Variants in MMP9 observed in about 807,000 individuals in gnomAD.
MMP9 encodes the protein matrix metalloproteinase-9.
In MMP9, 73 loss-of-function variants were observed where a neutral mutation model predicts 76.4. The observed-to-expected ratio is 0.96, with a 90% CI of 0.79 to 1.16. The LOEUF is 1.16. MMP9 is among the 50% of genes most tolerant of loss of function. MMP9 has a pLI of 0.00. For synonymous variants in MMP9, 412 were observed against 408.4 expected, an observed-to-expected ratio of 1.01 and a Z score of -0.11; for missense variants, 943 against 973.0, an observed-to-expected ratio of 0.97 and a Z score of 0.41.
intron 5 of MMP9, 61 bp from the exon 6 acceptor site, chr20:46,011,513 T>C (rs1260716459): frequency 1.9e-6 from 3 of 1,602,196 alleles, no homozygotes; most frequent in African/African-American, 1.3e-5. Context: ...CAGGACACAC[T>C]TGGGGGTTAT....
rs973709572 is a variant in MMP9 at position 46,013,940 on chromosome 20, G to A, written c.1750+144G>A. The stretch of plus-strand genomic sequence containing the variant: ...GACGCAGTTTAGCAAACGTAGGGGC[G>A]GCTGAGTTTCTGCCCCCTCCTCTCC... On this transcript the variant is annotated intron_variant, in intron 10 of 12. Transcript: ENST00000372330. The surrounding 1 kb of genome is among the most constrained non-coding windows in gnomAD (Gnocchi z 4.5). The A allele has an allele frequency of 5.0e-6, 7 of 1,413,746 alleles. No individual in the cohort carries two copies. The highest frequency in any genetic ancestry group is 2.1e-5 in the Admixed American group (1 of 48,626). 87.6% of individuals were successfully genotyped at this position (1,413,746 alleles called of 1,614,324 possible).
chr20:46,010,642 G>A lies in MMP9; in HGVS notation c.520+11G>A, dbSNP rs2084272779. On this transcript the variant is annotated intron_variant, in intron 3 of 12. Transcript: ENST00000372330. Reference sequence around the variant, plus strand: ...AGTTTGGTGTCGCGGGTGAGAACGTGAGGAGGGAAAATCCAAGAGACCTGG... The same window carrying A: ...AGTTTGGTGTCGCGGGTGAGAACGTAAGGAGGGAAAATCCAAGAGACCTGG... The A allele has an allele frequency of 1.2e-6, 2 of 1,611,124 alleles. No homozygotes were observed. Among genetic ancestry groups the A allele is most frequent in the African/African-American group, 2.7e-5 (2 of 75,014 alleles).
rs538911978 is a variant in MMP9, at chr20:46,016,034, A to G, written c.2006-216A>G. Among the ~76,000 whole-genome samples the G allele has an allele frequency of 2.0e-5, 3 of 152,372 alleles. No individual in the cohort carries two copies. The East Asian group carries it at 5.8e-4, about 29-fold the overall frequency. On this transcript the variant is annotated intron_variant, in intron 12 of 12. Coordinates refer to ENST00000372330, the MANE Select transcript of MMP9 (RefSeq NM_004994.3). Reference sequence around the variant, plus strand: ...GTGTATGGTGTACCTACTGTGTGCTAGGCTCTGTGGCAGTGCTTTGGGCAC... The same window carrying G: ...GTGTATGGTGTACCTACTGTGTGCTGGGCTCTGTGGCAGTGCTTTGGGCAC...
chr20:46,014,235 G>C lies in MMP9; in HGVS notation c.1862G>C (p.Arg621Thr), dbSNP rs6104428. The change falls in exon 11 of 13, where the codon AGG becomes ACG. Residue 621 changes from arginine (R) to threonine (T), a missense_variant. By Grantham distance (71) the Arg-to-Thr change is moderately conservative. Coordinates refer to ENST00000372330, the MANE Select transcript of MMP9 (RefSeq NM_004994.3). Reference protein sequence around the residue: ...AQVTGALRSGRGKMLLFSGRR... With the variant: ...AQVTGALRSGTGKMLLFSGRR... ...GTGACCGGGGCCCTCCGGAGTGGCA[G>C]GGGGAAGATGCTGCTGTTCAGCGGG... The C allele has an allele frequency of 1.1e-5, 17 of 1,534,518 alleles. No individual in the cohort carries two copies. In the African/African-American group the frequency reaches 2.2e-4, roughly 20 times the overall value.
At position 46,010,588 on chromosome 20, in the gene MMP9, G is replaced by A; in HGVS notation, c.477G>A (p.Val159=). ...SAVTPLTFTR[V]YSRDADIVIQ... is the part of the protein sequence containing the mutation. Reference sequence around the variant, plus strand: ...TGACGCCGCTCACCTTCACTCGCGTGTACAGCCGGGACGCAGACATCGTCA... The same window carrying A: ...TGACGCCGCTCACCTTCACTCGCGTATACAGCCGGGACGCAGACATCGTCA... The change falls in exon 3 of 13, where the codon GTG becomes GTA. Residue 159 remains valine (V), a synonymous_variant. Coordinates refer to ENST00000372330, the MANE Select transcript of MMP9 (RefSeq NM_004994.3). The A allele has an allele frequency of 6.2e-7, 1 of 1,614,116 alleles. No individual in the cohort carries two copies. Among genetic ancestry groups the A allele is most frequent in the East Asian group, 2.2e-5 (1 of 44,870 alleles).
intron 6 of MMP9, 147 bp downstream of exon 6, chr20:46,011,894 C>A: frequency 9.0e-7 from 1 of 1,113,918 alleles, no homozygotes; most frequent in Non-Finnish European, 1.3e-6. Flanking sequence ...CACCACATTT[C>A]CACCACTATC....
At position 46,011,361 on chromosome 20, in the gene MMP9, T is replaced by C. The variant is rs201748496; in HGVS notation, c.823+45T>C. The C allele has an allele frequency of 1.1e-5, 17 of 1,591,702 alleles. No individual in the cohort carries two copies. In the African/African-American group the frequency reaches 1.7e-4, roughly 16 times the overall value. On this transcript the variant is annotated intron_variant, in intron 5 of 12. Coordinates refer to ENST00000372330, the MANE Select transcript of MMP9 (RefSeq NM_004994.3). ...GAGGGCTGGGGGCGCCCACCACCCT[T>C]GATGGTCCTGGGTTCTAATTCCAGC...
Position 46,012,434 on chromosome 20 carries a change from T to C in MMP9, c.1182T>C (p.Ser394=). 6.2e-7 allele frequency: 1 copy of C among 1,614,070 alleles called. No individual in the cohort carries two copies. Among genetic ancestry groups the C allele is most frequent in the South Asian group, 1.1e-5 (1 of 91,090 alleles). Reference sequence around the variant, plus strand: ...GGCTCCCTCTCCCTCCAGGATACAGTTTGTTCCTCGTGGCGGCGCATGAGT... The same window carrying C: ...GGCTCCCTCTCCCTCCAGGATACAGCTTGTTCCTCGTGGCGGCGCATGAGT... ...KWGFCPDQGY[S]LFLVAAHEFG... Residue 394 remains serine (S), a synonymous_variant, in exon 8 of 13, where the codon AGT becomes AGC. Coordinates refer to ENST00000372330, the MANE Select transcript of MMP9 (RefSeq NM_004994.3).
chr20:46,016,144 A>G (rs969997154), intron 12 of MMP9, 106 bp from the exon 13 acceptor site: 13 of 1,117,732 alleles, frequency 1.2e-5, no homozygotes, highest in East Asian at 7.1e-5. Context: ...AAAACCTTAG[A>G]AAGTTCTAGA....
rs767808980 is a variant in MMP9, at chr20:46,016,315, G to A, written c.2071G>A (p.Val691Met). The A allele has an allele frequency of 1.9e-6, 3 of 1,614,090 alleles. No individual in the cohort carries two copies. The highest frequency in any genetic ancestry group is 2.7e-5 in the African/African-American group (2 of 74,924). ...RVSSRSELNQVDQVGYVTYDI... is the reference protein window; with the variant it reads ...RVSSRSELNQMDQVGYVTYDI... ...GAGTTCCCGGAGTGAGTTGAACCAGGTGGACCAAGTGGGCTACGTGACCTA... is the reference window on the plus strand; with the variant it reads ...GAGTTCCCGGAGTGAGTTGAACCAGATGGACCAAGTGGGCTACGTGACCTA... The change falls in exon 13 of 13, where the codon GTG becomes ATG. Residue 691 changes from valine (V) to methionine (M), a missense_variant. By Grantham distance (21) the Val-to-Met change is conservative (BLOSUM62 1). Transcript: ENST00000372330.
In MMP9 at chr20:46,010,540, C is replaced by T; in HGVS notation, c.429C>T (p.Arg143=). 1.2e-6 allele frequency: 2 copies of T among 1,614,234 alleles called. No homozygotes were observed. Among genetic ancestry groups the T allele is most frequent in the Non-Finnish European group, 1.7e-6 (2 of 1,180,050 alleles). The change falls in exon 3 of 13, where the codon CGC becomes CGT. Residue 143 remains arginine (R), a synonymous_variant. Transcript: ENST00000372330. ...CGGTGATTGACGACGCCTTTGCCCGCGCCTTCGCACTGTGGAGCGCGGTGA... is the reference window on the plus strand; with the variant it reads ...CGGTGATTGACGACGCCTTTGCCCGTGCCTTCGCACTGTGGAGCGCGGTGA... ...PRAVIDDAFA[R]AFALWSAVTP...
In MMP9 at chr20:46,013,279, G is replaced by T. The variant is rs201191171; in HGVS notation, c.1355G>T (p.Arg452Leu). The T allele has an allele frequency of 6.2e-6, 10 of 1,613,928 alleles. No individual in the cohort carries two copies. Among genetic ancestry groups the T allele is most frequent in the East Asian group, 2.2e-5 (1 of 44,868 alleles). Residue 452 changes from arginine to leucine, a missense_variant, in exon 9 of 13, where the codon CGG becomes CTG. Transcript: ENST00000372330. The surrounding 1 kb of genome is among the most constrained non-coding windows in gnomAD (Gnocchi z 4.5). ...GGTCCTCGCCCTGAACCTGAGCCAC[G>T]GCCTCCAACCACCACCACACCGCAG... is the stretch of plus-strand genomic sequence containing the variant. Reference protein sequence around the residue: ...LYGPRPEPEPRPPTTTTPQPT... With the variant: ...LYGPRPEPEPLPPTTTTPQPT...
intron 5 of MMP9, 115 bp downstream of exon 5, chr20:46,011,431 C>A: frequency 2.5e-6 from 4 of 1,568,710 alleles, no homozygotes; most frequent in East Asian, 2.3e-5. Context: ...CTCCCGCACT[C>A]TGGGCCCAAT....
rs2084295207 is a variant in MMP9 at position 46,013,180 on chromosome 20, C to G, written c.1331-75C>G. ...TGCCAGAGGAGGCTTCACTGAGAAGCTTAGGGGAGCAGATGTTCTAGGGGT... is the reference window on the plus strand; with the variant it reads ...TGCCAGAGGAGGCTTCACTGAGAAGGTTAGGGGAGCAGATGTTCTAGGGGT... On this transcript the variant is annotated intron_variant, in intron 8 of 12. Coordinates refer to ENST00000372330, the MANE Select transcript of MMP9 (RefSeq NM_004994.3). The surrounding 1 kb of genome is among the most constrained non-coding windows in gnomAD (Gnocchi z 4.5). 2 of 1,580,574 alleles carry G rather than the reference C, an allele frequency of 1.3e-6. No homozygotes were observed. The highest frequency in any genetic ancestry group is 1.1e-5 in the South Asian group (1 of 90,342).
At chr20:46,010,188 G>C (rs1040073032) in intron 2 of MMP9, 90 bp downstream of exon 2, 3 of 1,218,438 alleles carry the variant, frequency 2.5e-6, no homozygotes, top group African/African-American at 3.0e-5. Flanking sequence ...TCTTGGACGC[G>C]TCCCTGGGTT....
rs559776843 is a variant in MMP9 at position 46,014,258 on chromosome 20, G to A, written c.1885G>A (p.Gly629Arg). The change falls in exon 11 of 13, where the codon GGG becomes AGG. Residue 629 changes from glycine (G) to arginine (R), a missense_variant. Coordinates refer to ENST00000372330, the MANE Select transcript of MMP9 (RefSeq NM_004994.3). ...SGRGKMLLFS[G>R]RRLWRFDVKA... ...CAGGGGGAAGATGCTGCTGTTCAGC[G>A]GGCGGCGCCTCTGGAGGTGAGCGCC... The A allele has an allele frequency of 2.6e-5, 40 of 1,523,754 alleles. No individual in the cohort carries two copies. In the Middle Eastern group the frequency reaches 1.0e-3, roughly 39 times the overall value. The allele number at this position is 1,523,754 out of a possible 1,614,324, so 94.4% of individuals were successfully genotyped here.
Position 46,012,485 on chromosome 20 carries a change from T to C in MMP9, c.1233T>C (p.His411=), listed in dbSNP as rs1014120184. Residue 411 remains histidine (H), a synonymous_variant, in exon 8 of 13, where the codon CAT becomes CAC. Coordinates refer to ENST00000372330, the MANE Select transcript of MMP9 (RefSeq NM_004994.3). ...HEFGHALGLD[H]SSVPEALMYP... is the part of the protein sequence containing the mutation. ...TCGGCCACGCGCTGGGCTTAGATCA[T>C]TCCTCAGTGCCGGAGGCGCTCATGT... The C allele has an allele frequency of 1.2e-6, 2 of 1,614,126 alleles. No homozygotes were observed. The highest frequency in any genetic ancestry group is 2.7e-5 in the African/African-American group (2 of 75,038).
rs1031056760 is a variant in MMP9 at position 46,013,622 on chromosome 20, C to T, written c.1611-35C>T. On this transcript the variant is annotated intron_variant, in intron 9 of 12. Transcript: ENST00000372330. The surrounding 1 kb of genome is among the most constrained non-coding windows in gnomAD (Gnocchi z 4.5). ...CCGCCCACTGGCCCTGTGTCCAAGG[C>T]TTAGAGCCCGTCCTTTCCCTCCTCG... 1.2e-6 allele frequency: 2 copies of T among 1,613,758 alleles called. No homozygotes were observed. Among genetic ancestry groups the T allele is most frequent in the African/African-American group, 2.7e-5 (2 of 74,942 alleles).
chr20:46,011,875 G>A (rs2084282200), intron 6 of MMP9, 128 bp downstream of exon 6: 9 of 1,194,768 alleles, frequency 7.5e-6, no homozygotes, highest in South Asian at 2.6e-5. Context: ...CCGTGACTCC[G>A]CCCACCTACA....
Sources: allele counts gnomAD v4.1 joint callset (sites outside exome capture counted in the v4.1 genomes callset), GRCh38; gene constraint gnomAD v4.1.1; non-coding constraint Gnocchi (gnomAD v3.1); transcripts MANE v1.5; gene names NCBI Gene and HGNC (gene_info 2026-07-23, HGNC 2026-07-21).